DNAH2: variants seen among roughly 807,000 people sequenced by gnomAD.
The protein encoded by DNAH2 is axonemal beta dynein heavy chain 2.
DNAH2 carries 323 observed loss-of-function variants against 523.5 expected under a neutral mutation model. The observed-to-expected ratio is 0.62, with a 90% CI of 0.56 to 0.68. The LOEUF (loss-of-function observed/expected upper bound fraction) is 0.68, where lower values mean the gene tolerates loss of function less well. Ranked by LOEUF, DNAH2 falls within the 30% of genes least tolerant of loss-of-function variation. The pLI is 0.00. For missense variants in DNAH2, 4,907 were observed against 5,701.5 expected (o/e 0.86, Z 4.49); for synonymous variants, 2,093 against 2,177.4 (o/e 0.96, Z 1.08).
chr17:7,807,662 C>A lies in DNAH2; in HGVS notation c.9729+76C>A, dbSNP rs1284625938. The A allele has an allele frequency of 3.8e-6, 5 of 1,304,814 alleles. No individual in the cohort carries two copies. Among genetic ancestry groups the A allele is most frequent in the African/African-American group, 1.4e-5 (1 of 69,004 alleles). 80.8% of individuals were successfully genotyped at this position (1,304,814 alleles called of 1,614,324 possible). On this transcript the variant is annotated intron_variant, in intron 63 of 85. Transcript: ENST00000572933. This position sits in a 1 kb window ranked among gnomAD's most constrained non-coding sequence, Gnocchi z 5.6. ...GATTGCTTCATTAAGCATTTGTTTT[C>A]CCCCATCTAATTCTAGCCCCCTTCC... is the stretch of plus-strand genomic sequence containing the variant.
At chr17:7,767,532 C>G (rs1450155329) in intron 22 of DNAH2, among the ~76,000 whole-genome samples, 1 of 151,866 alleles carries the variant, frequency 6.6e-6, no homozygotes, top group African/African-American at 2.4e-5. Context: ...TCCACAGCAG[C>G]TGCACCGTTT....
At chr17:7,785,373 G>T (rs1203328795) in intron 39 of DNAH2, among the ~76,000 whole-genome samples, 2 of 152,202 alleles carry the variant, frequency 1.3e-5, no homozygotes, top group African/African-American at 4.8e-5. Context: ...AAAGAGTTGG[G>T]ATTACAGACG....
intron 56 of DNAH2, among the ~76,000 whole-genome samples, chr17:7,799,781 A>G (rs1431532915): frequency 6.6e-6 from 1 of 152,050 alleles, no homozygotes; most frequent in Non-Finnish European, 1.5e-5. Flanking sequence ...TCACACCACT[A>G]CACTCCAGCT....
chr17:7,812,692 G>A (rs1018190946), intron 63 of DNAH2, among the ~76,000 whole-genome samples: 3 of 149,174 alleles, frequency 2.0e-5, no homozygotes, highest in East Asian at 4.0e-4. Flanking sequence ...AGGCCGAGGT[G>A]TGCGGATCAC....
chr17:7,815,522 ACACACACATATACAGGAT>A (rs879721042), intron 63 of DNAH2, among the ~76,000 whole-genome samples: 6 of 152,074 alleles, frequency 3.9e-5, no homozygotes, highest in African/African-American at 9.7e-5. Context: ...ATACAGGATC[ACACACACATATACAGGAT>A]CACACACATA....
Position 7,777,552 on chromosome 17 carries a change from T to C in DNAH2, c.5165T>C (p.Val1722Ala), listed in dbSNP as rs774429471. ...ACGATAGAAATTCATGCCCGGGATGTGTTGGAGAAGCTTTACAAGAGTGGC... is the reference window on the plus strand; with the variant it reads ...ACGATAGAAATTCATGCCCGGGATGCGTTGGAGAAGCTTTACAAGAGTGGC... ...LVTIEIHARD[V>A]LEKLYKSGLM... The change falls in exon 33 of 86, where the codon GTG (valine) becomes GCG (alanine). Residue 1722 changes from valine (V) to alanine (A), a missense_variant. Around this residue, in one of 3 missense-constraint regions of DNAH2, gnomAD observed 2,806 missense variants for 3,190.8 expected, o/e 0.88. Transcript: ENST00000572933. 7.4e-6 allele frequency: 12 copies of C among 1,614,068 alleles called. No homozygotes were observed. The African/African-American group carries it at 1.5e-4, about 20-fold the overall frequency.
At position 7,791,915 on chromosome 17, in the gene DNAH2, A is replaced by G. The variant is rs770048839; in HGVS notation, c.6901-2A>G. The G allele has an allele frequency of 2.5e-6, 4 of 1,612,538 alleles. No homozygotes were observed. The highest frequency in any genetic ancestry group is 3.4e-6 in the Non-Finnish European group (4 of 1,179,360). On this transcript the variant is annotated splice_acceptor_variant, in intron 44 of 85. Coordinates refer to ENST00000572933, the MANE Select transcript of DNAH2 (RefSeq NM_020877.5). LOFTEE classifies it high-confidence loss of function. ...TATTTCCTCTTCTCGTTCTCCATCC[A>G]GGTGAACCCAGCTGACGGCGAGAAC...
intron 15 of DNAH2, 87 bp from the exon 16 acceptor site, chr17:7,759,335 T>C: frequency 6.6e-7 from 1 of 1,517,688 alleles, no homozygotes; most frequent in Non-Finnish European, 8.9e-7. Context: ...ACCAACTTGT[T>C]TCCTTCCCTG....
intron 6 of DNAH2, 77 bp from the exon 7 acceptor site, chr17:7,734,393 C>A: frequency 6.3e-7 from 1 of 1,594,446 alleles, no homozygotes; most frequent in South Asian, 1.1e-5. Flanking sequence ...AGGTCTCTGT[C>A]GGGGTTGCGG....
chr17:7,745,606 C>T (rs1372597033), intron 12 of DNAH2, among the ~76,000 whole-genome samples: 3 of 151,242 alleles, frequency 2.0e-5, no homozygotes, highest in Non-Finnish European at 4.4e-5. Flanking sequence ...CGCTTGAGCC[C>T]AGGAGTCCAA....
intron 2 of DNAH2, among the ~76,000 whole-genome samples, chr17:7,723,268 CTT>C (rs58689789): frequency 5.2e-3 from 314 of 59,890 alleles, no homozygotes; most frequent in African/African-American, 0.019. Flanking sequence ...CTGTACCCGG[CTT>C]TTTTTTTTTT....
chr17:7,769,464 C>T (rs1476323942), intron 24 of DNAH2, among the ~76,000 whole-genome samples: 2 of 152,116 alleles, frequency 1.3e-5, no homozygotes, highest in East Asian at 1.9e-4. Flanking sequence ...GCCCGTCCCG[C>T]CTTATGTCTT....
Position 7,779,427 on chromosome 17 carries a change from G to C in DNAH2, c.5722+4G>C. 1 of 1,612,846 alleles carries C rather than the reference G, an allele frequency of 6.2e-7. No individual in the cohort carries two copies. Among genetic ancestry groups the C allele is most frequent in the Non-Finnish European group, 8.5e-7 (1 of 1,179,380 alleles). On this transcript the variant is annotated splice_donor_region_variant and intron_variant, in intron 36 of 85. Coordinates refer to ENST00000572933, the MANE Select transcript of DNAH2 (RefSeq NM_020877.5). ...ATCTTCATTACCATGAATCCTGGTA[G>C]GTGGCAGGGAGTGGATGGGACTCCT...
At chr17:7,769,072 T>G (rs957761609) in intron 24 of DNAH2, among the ~76,000 whole-genome samples, 3 of 152,210 alleles carry the variant, frequency 2.0e-5, no homozygotes, top group Non-Finnish European at 4.4e-5. Context: ...CATCCAGCCT[T>G]GCTGGCTTCT....
intron 18 of DNAH2, among the ~76,000 whole-genome samples, chr17:7,761,162 C>T (rs1223373482): frequency 6.6e-6 from 1 of 152,142 alleles, no homozygotes; most frequent in African/African-American, 2.4e-5. Context: ...GGGAGGATGG[C>T]AGGGCCTGGT....
At chr17:7,750,166 G>A (rs2075645169) in intron 12 of DNAH2, among the ~76,000 whole-genome samples, 1 of 152,096 alleles carries the variant, frequency 6.6e-6, no homozygotes, top group Non-Finnish European at 1.5e-5. Flanking sequence ...TTACAGGTGT[G>A]AGCCATTGTG....
At chr17:7,722,206 T>C (rs1018311031) in intron 2 of DNAH2, among the ~76,000 whole-genome samples, 3 of 150,818 alleles carry the variant, frequency 2.0e-5, no homozygotes, top group South Asian at 4.2e-4. Flanking sequence ...GGGTTCACCA[T>C]CTTGGCCAGG....
Position 7,801,993 on chromosome 17 carries a change from TG to T in DNAH2, c.8950del (p.Glu2984AsnfsTer40). On this transcript the variant is annotated frameshift_variant, in exon 58 of 86. Transcript: ENST00000572933. LOFTEE classifies it high-confidence loss of function. The stretch of plus-strand genomic sequence containing the variant: ...AACTATGTCACACCCACCAAATACC[TG>T]GAACTCCTGTCTGGATATAAGAAGT... ...RHNYVTPTKY[L>X]ELLSGYKKLL... 1 of 1,614,006 alleles carries T rather than the reference TG, an allele frequency of 6.2e-7. No individual in the cohort carries two copies. Among genetic ancestry groups the T allele is most frequent in the Non-Finnish European group, 8.5e-7 (1 of 1,179,932 alleles).
At position 7,778,463 on chromosome 17, in the gene DNAH2, G is replaced by A; in HGVS notation, c.5535G>A (p.Leu1845=). 6.2e-7 allele frequency: 1 copy of A among 1,612,226 alleles called. No individual in the cohort carries two copies. The highest frequency in any genetic ancestry group is 8.5e-7 in the Non-Finnish European group (1 of 1,178,780). ...YKSMGRMYSG[L]AQTGAWGCFD... ...CCATGGGCCGAATGTACTCAGGTCT[G>A]GCCCAGGTCAGTATCCTGCCACCCT... Residue 1845 remains leucine, a synonymous_variant, in exon 35 of 86, where the codon CTG becomes CTA. Transcript: ENST00000572933.
Sources: gnomAD v4.1 joint callset for allele counts (sites outside exome capture counted in the v4.1 genomes callset) on GRCh38, gnomAD v4.1.1 for gene constraint, gnomAD v4.1.1 regional missense constraint, Gnocchi (gnomAD v3.1) non-coding constraint, MANE v1.5 for transcripts, NCBI Gene and HGNC (gene_info 2026-07-23, HGNC 2026-07-21) for gene names.